PATJ: variants seen among roughly 807,000 people sequenced by gnomAD.
PATJ encodes the protein inaD-like protein.
Under a neutral mutation model 224.9 loss-of-function variants are expected in PATJ, and 190 were observed. The observed-to-expected ratio is 0.84, with a 90% CI of 0.75 to 0.95. The LOEUF is 0.95. PATJ is among the 40% of genes least tolerant of loss of function. The probability of loss-of-function intolerance (pLI) is 0.00; values close to 1 mark genes in which losing one functional copy is unlikely to be tolerated. For missense variants in PATJ, 2,121 were observed against 2,270.3 expected (o/e 0.93, Z 1.34); for synonymous variants, 769 against 820.3 (o/e 0.94, Z 1.07).
At chr1:61,774,908 G>A (rs1330686879) in intron 6 of PATJ, among the ~76,000 whole-genome samples, 3 of 152,138 alleles carry the variant, frequency 2.0e-5, no homozygotes, top group Non-Finnish European at 4.4e-5. Context: ...CCAGTGCAGC[G>A]TAAGGAATGA....
At chr1:61,846,091 CATAATTCT>C (rs1296394187) in intron 17 of PATJ, 2 of 152,120 alleles carry the variant, frequency 1.3e-5, no homozygotes, top group Non-Finnish European at 2.9e-5. Context: ...TCTTTTCCAT[CATAATTCT>C]CATAGTAATA....
chr1:61,931,339 C>G (rs78742520), intron 27 of PATJ, among the ~76,000 whole-genome samples: 165 of 151,234 alleles, frequency 1.1e-3, no homozygotes, highest in Non-Finnish European at 1.7e-3. Flanking sequence ...GTGATAAGGA[C>G]TATGAATAAA....
chr1:61,771,448 A>C lies in PATJ; in HGVS notation c.542A>C (p.Glu181Ala), dbSNP rs1477865303. Reference sequence around the variant, plus strand: ...TGATTAAGGGATCAAAGATTAAAGGAAAATGATCAAATATTGGCCATTAAT... The same window carrying C: ...TGATTAAGGGATCAAAGATTAAAGGCAAATGATCAAATATTGGCCATTAAT... Reference protein sequence around the residue: ...SVADRDQRLKENDQILAINHT... With the variant: ...SVADRDQRLKANDQILAINHT... Residue 181 changes from glutamate to alanine, a missense_variant, in exon 6 of 44, where the codon GAA (glutamate) becomes GCA (alanine). Transcript: ENST00000642238. 6.3e-7 allele frequency: 1 copy of C among 1,591,268 alleles called. No individual in the cohort carries two copies. The highest frequency in any genetic ancestry group is 8.5e-7 in the Non-Finnish European group (1 of 1,171,362).
chr1:61,878,601 T>A (rs1204475894), intron 21 of PATJ, among the ~76,000 whole-genome samples: 8 of 151,696 alleles, frequency 5.3e-5, no homozygotes, highest in African/African-American at 1.7e-4. Context: ...TCTAGCACTT[T>A]GGGAGGCCAA....
At chr1:61,896,127 T>A (rs148441572) in intron 22 of PATJ, among the ~76,000 whole-genome samples, 11 of 152,186 alleles carry the variant, frequency 7.2e-5, no homozygotes, top group African/African-American at 2.7e-4. Flanking sequence ...TGAAACCCTG[T>A]CTCTACTAAA....
At position 61,827,564 on chromosome 1, in the gene PATJ, C is replaced by G; in HGVS notation, c.1961C>G (p.Thr654Ser). Residue 654 changes from threonine (T) to serine (S), a missense_variant, in exon 16 of 44, where the codon ACC becomes AGC. Physicochemically the swap from Thr to Ser is moderately conservative, Grantham distance 58 (BLOSUM62 1). Coordinates refer to ENST00000642238, the MANE Select transcript of PATJ (RefSeq NM_001350145.3). ...ASVDEPRRTE[T>S]SLPETEVDHN... ...GTAGATGAACCAAGGCGCACTGAAA[C>G]CTCTCTTCCTGAGACAGAGGTACTA... 6.2e-7 allele frequency: 1 copy of G among 1,613,864 alleles called. No individual in the cohort carries two copies. Among genetic ancestry groups the G allele is most frequent in the Non-Finnish European group, 8.5e-7 (1 of 1,179,894 alleles).
At chr1:62,094,698 G>A (rs948046200) in intron 33 of PATJ, among the ~76,000 whole-genome samples, 4 of 151,814 alleles carry the variant, frequency 2.6e-5, no homozygotes, top group African/African-American at 9.7e-5. Flanking sequence ...CTGTTATAAT[G>A]CCCACTTACG....
At chr1:61,755,754 G>A (rs1424901181) in intron 1 of PATJ, among the ~76,000 whole-genome samples, 1 of 152,078 alleles carries the variant, frequency 6.6e-6, no homozygotes, top group Non-Finnish European at 1.5e-5. Context: ...TGTAAAATAC[G>A]TTATTAGAAA....
intron 24 of PATJ, among the ~76,000 whole-genome samples, chr1:61,908,152 A>G (rs1440188451): frequency 6.6e-6 from 1 of 151,928 alleles, no homozygotes; most frequent in African/African-American, 2.4e-5. Flanking sequence ...TTATTAATGT[A>G]TTTTTCTTAT....
chr1:62,105,544 C>T (rs1478282547), intron 33 of PATJ, among the ~76,000 whole-genome samples: 2 of 152,240 alleles, frequency 1.3e-5, no homozygotes, highest in Non-Finnish European at 1.5e-5. Context: ...CCACTGACCC[C>T]GCAAGTTTCC....
chr1:62,034,454 A>G (rs1649970722), intron 29 of PATJ, among the ~76,000 whole-genome samples: 1 of 151,934 alleles, frequency 6.6e-6, no homozygotes, highest in African/African-American at 2.4e-5. Flanking sequence ...AAAAAAAAAA[A>G]AAAAAAAAGC....
intron 20 of PATJ, among the ~76,000 whole-genome samples, chr1:61,869,574 T>C (rs1666008414): frequency 6.6e-6 from 1 of 152,134 alleles, no homozygotes; most frequent in Non-Finnish European, 1.5e-5. Context: ...GAGAAGGCTT[T>C]TTTCTGCATC....
intron 27 of PATJ, among the ~76,000 whole-genome samples, chr1:61,931,828 A>G (rs897761364): frequency 4.6e-5 from 7 of 152,204 alleles, no homozygotes; most frequent in Non-Finnish European, 7.3e-5. Context: ...GTCATCATAT[A>G]GATAAGGGCT....
chr1:61,967,165 G>T (rs1682294057), intron 27 of PATJ, among the ~76,000 whole-genome samples: 1 of 152,106 alleles, frequency 6.6e-6, no homozygotes, highest in African/African-American at 2.4e-5. Flanking sequence ...TGAATTGCAT[G>T]GAGAGGATTA....
chr1:61,979,443 A>G (rs1009236631), intron 27 of PATJ, among the ~76,000 whole-genome samples: 4 of 151,994 alleles, frequency 2.6e-5, no homozygotes, highest in Non-Finnish European at 4.4e-5. Flanking sequence ...TCACGAGGTC[A>G]GGAGATTGAG....
At chr1:61,833,911 T>C (rs1316774958) in intron 17 of PATJ, 126 bp downstream of exon 17, 2 of 744,208 alleles carry the variant, frequency 2.7e-6, no homozygotes, top group Non-Finnish European at 4.3e-6. Flanking sequence ...TGGGATATTA[T>C]ACTACTTTCA....
chr1:62,035,297 T>C (rs1650165736), intron 29 of PATJ, among the ~76,000 whole-genome samples: 1 of 152,194 alleles, frequency 6.6e-6, no homozygotes, highest in East Asian at 1.9e-4. Flanking sequence ...TTGTAGTTTT[T>C]CTCCCAATTG....
intron 41 of PATJ, among the ~76,000 whole-genome samples, chr1:62,139,924 TA>T (rs1404459902): frequency 6.6e-6 from 1 of 151,978 alleles, no homozygotes; most frequent in Non-Finnish European, 1.5e-5. Context: ...CACGCCCAGC[TA>T]ATTTTTGTAT....
In PATJ at chr1:62,106,158, G is replaced by GTGTATATATA. The variant is rs1356937495; in HGVS notation, c.4378-2278_4378-2277insGTATATATAT. ...TACATGTGTATATGTGTGTGTGTGT[G>GTGTATATATA]TATATATATATATATATATATATAT... On this transcript the variant is annotated intron_variant, in intron 33 of 43. Coordinates refer to ENST00000642238, the MANE Select transcript of PATJ (RefSeq NM_001350145.3). Among the ~76,000 whole-genome samples the GTGTATATATA allele has an allele frequency of 9.6e-3, 463 of 48,056 alleles. 63 individuals carry two copies. Among genetic ancestry groups the GTGTATATATA allele is most frequent in the Non-Finnish European group, 0.017 (389 of 22,810 alleles). 31.5% of individuals were successfully genotyped at this position (48,056 alleles called of 152,430 possible).
Sources: allele counts gnomAD v4.1 joint callset (sites outside exome capture counted in the v4.1 genomes callset), GRCh38; gene constraint gnomAD v4.1.1; transcripts MANE v1.5; gene names NCBI Gene and HGNC (gene_info 2026-07-23, HGNC 2026-07-21).